ERBB4: variants seen among roughly 807,000 people sequenced by gnomAD.
ERBB4 encodes the protein erb-b2 receptor tyrosine kinase 4.
A neutral mutation model predicts 158.0 loss-of-function variants in ERBB4; 42 were observed. The ratio of observed to expected loss-of-function variants is 0.27; its 90% confidence interval spans 0.21 to 0.34. The LOEUF (loss-of-function observed/expected upper bound fraction) is 0.34, where lower values mean the gene tolerates loss of function less well. ERBB4 is among the 10% of genes least tolerant of loss of function. The pLI is 1.00. For missense variants in ERBB4, 1,333 were observed against 1,624.1 expected (o/e 0.82, Z 3.08); for synonymous variants, 583 against 558.7 (o/e 1.04, Z -0.61).
chr2:212,068,851 A>C (rs777593123), intron 2 of ERBB4, among the ~76,000 whole-genome samples: 1 of 152,082 alleles, frequency 6.6e-6, no homozygotes, highest in Non-Finnish European at 1.5e-5. Flanking sequence ...TGTTTTGACC[A>C]TAGGGATAGC....
intron 1 of ERBB4, among the ~76,000 whole-genome samples, chr2:212,444,052 T>C (rs1847671): frequency 0.48 from 72,391 of 151,898 alleles, 18,713 homozygotes; most frequent in African/African-American, 0.68. Flanking sequence ...TGAAGGCACA[T>C]GTAAGTTACA....
At position 211,749,146 on chromosome 2, in the gene ERBB4, G is replaced by A. The variant is rs10168783; in HGVS notation, c.622+1493C>T. ...CAAAAATTCCCTAATGAACTACTTC[G>A]TCCAAAGAATAGGGAGGGAAATAGG... On this transcript the variant is annotated intron_variant, in intron 5 of 27. Transcript: ENST00000342788. 3.3e-3 allele frequency among the ~76,000 whole-genome samples: 499 copies of A among 152,010 alleles called. 5 individuals are homozygous for A. The highest frequency in any genetic ancestry group is 0.012 in the African/African-American group (479 of 41,482).
At chr2:211,854,968 C>T (rs760059140) in intron 3 of ERBB4, among the ~76,000 whole-genome samples, 1 of 152,174 alleles carries the variant, frequency 6.6e-6, no homozygotes, top group Non-Finnish European at 1.5e-5. Flanking sequence ...CCAATTTAAA[C>T]TCCCACCTAT....
intron 1 of ERBB4, among the ~76,000 whole-genome samples, chr2:212,212,298 G>C (rs1286372493): frequency 1.3e-5 from 2 of 151,926 alleles, no homozygotes; most frequent in African/African-American, 4.8e-5. Flanking sequence ...AATCATGAAT[G>C]AACTCCCATT....
intron 2 of ERBB4, among the ~76,000 whole-genome samples, chr2:211,957,459 G>A (rs1416824210): frequency 2.0e-5 from 3 of 152,108 alleles, no homozygotes; most frequent in Admixed American, 6.6e-5. Flanking sequence ...AAGCCACCCA[G>A]TCTGTGGTAC....
chr2:211,842,227 A>G (rs2077485955), intron 3 of ERBB4, among the ~76,000 whole-genome samples: 4 of 151,202 alleles, frequency 2.6e-5, no homozygotes, highest in Admixed American at 2.6e-4. Context: ...CATGTTGTAC[A>G]TATCACAAAA....
At chr2:211,970,412 G>C (rs1397379491) in intron 2 of ERBB4, among the ~76,000 whole-genome samples, 1 of 152,166 alleles carries the variant, frequency 6.6e-6, no homozygotes, top group Non-Finnish European at 1.5e-5. Context: ...ATTCAATTAA[G>C]TGCTAAGTTC....
At chr2:212,043,006 G>A (rs2077176491) in intron 2 of ERBB4, among the ~76,000 whole-genome samples, 1 of 152,142 alleles carries the variant, frequency 6.6e-6, no homozygotes, top group Non-Finnish European at 1.5e-5. Context: ...TGCGGCAAAG[G>A]AAAATCTATT....
chr2:211,727,809 T>C (rs1459934931), intron 5 of ERBB4, among the ~76,000 whole-genome samples: 2 of 151,962 alleles, frequency 1.3e-5, no homozygotes, highest in African/African-American at 4.8e-5. Flanking sequence ...AAACATCAAA[T>C]AAAGTTTAAA....
intron 20 of ERBB4, among the ~76,000 whole-genome samples, chr2:211,552,450 T>C (rs73075159): frequency 0.052 from 7,848 of 152,196 alleles, 651 homozygotes; most frequent in African/African-American, 0.18. Context: ...AAGTTGAGTA[T>C]ACAACTTAAT....
chr2:212,006,597 C>T (rs1300984274), intron 2 of ERBB4, among the ~76,000 whole-genome samples: 1 of 148,572 alleles, frequency 6.7e-6, no homozygotes, highest in East Asian at 2.2e-4. Flanking sequence ...ATTTTTAATT[C>T]TAAAACCCAA....
chr2:211,477,117 T>C (rs2064973320), intron 20 of ERBB4, among the ~76,000 whole-genome samples: 1 of 152,116 alleles, frequency 6.6e-6, no homozygotes, highest in East Asian at 1.9e-4. Context: ...GTGGGCCTCA[T>C]TTAAGCAGTT....
At chr2:211,939,341 T>C (rs1323800658) in intron 3 of ERBB4, among the ~76,000 whole-genome samples, 1 of 151,866 alleles carries the variant, frequency 6.6e-6, no homozygotes, top group Non-Finnish European at 1.5e-5. Context: ...TGTAAAATTA[T>C]AATAAAGATA....
chr2:212,532,349 C>T (rs1357099593), intron 1 of ERBB4, among the ~76,000 whole-genome samples: 1 of 152,204 alleles, frequency 6.6e-6, no homozygotes, highest in Non-Finnish European at 1.5e-5. Context: ...CTCAAAGCTG[C>T]CTCCTCCCTG....
At chr2:211,568,438 G>A (rs1018728125) in intron 19 of ERBB4, among the ~76,000 whole-genome samples, 2 of 152,014 alleles carry the variant, frequency 1.3e-5, no homozygotes, top group South Asian at 4.1e-4. Context: ...TTCAGCTATC[G>A]TTTTGCACAA....
chr2:211,405,877 T>C (rs1338393553), intron 25 of ERBB4, among the ~76,000 whole-genome samples: 1 of 152,166 alleles, frequency 6.6e-6, no homozygotes, highest in African/African-American at 2.4e-5. Context: ...TCTACTCCTC[T>C]GTTTTCATGT....
rs2062613727 is a variant in ERBB4 at position 211,383,514 on chromosome 2, A to C, written c.*101T>G. 1.1e-6 allele frequency: 1 copy of C among 948,118 alleles called. No homozygotes were observed. Among genetic ancestry groups the C allele is most frequent in the Non-Finnish European group, 1.7e-6 (1 of 587,858 alleles). The allele number at this position is 948,118 out of a possible 1,614,324, so 58.7% of individuals were successfully genotyped here. On this transcript the variant is annotated 3_prime_UTR_variant, in exon 28 of 28. Coordinates refer to ENST00000342788, the MANE Select transcript of ERBB4 (RefSeq NM_005235.3). ...TGTATCTTCCACTGGGAAGTGTCAA[A>C]ACTACTGGCCTTGGGGTAGAAGGAA...
At chr2:212,247,435 T>C (rs1332223310) in intron 1 of ERBB4, among the ~76,000 whole-genome samples, 1 of 152,144 alleles carries the variant, frequency 6.6e-6, no homozygotes, top group African/African-American at 2.4e-5. Flanking sequence ...ATATTTGGGG[T>C]TAAGAGATCT....
intron 20 of ERBB4, among the ~76,000 whole-genome samples, chr2:211,486,610 G>A (rs35330898): frequency 0.15 from 23,391 of 151,922 alleles, 2,032 homozygotes; most frequent in East Asian, 0.3. Context: ...TCGGAGCCTT[G>A]GCTTTGATTT....
Sources: allele counts gnomAD v4.1 joint callset (sites outside exome capture counted in the v4.1 genomes callset), GRCh38; gene constraint gnomAD v4.1.1; transcripts MANE v1.5; gene names NCBI Gene and HGNC (gene_info 2026-07-23, HGNC 2026-07-21).